The following MARCHF1 variants were observed in gnomAD, a reference collection of about 807,000 sequenced individuals.
MARCHF1 encodes the protein membrane associated ring-CH-type finger 1.
Under a neutral mutation model 54.2 loss-of-function variants are expected in MARCHF1, and 40 were observed. The ratio of observed to expected loss-of-function variants is 0.74; its 90% CI spans 0.57 to 0.96. MARCHF1 has a LOEUF of 0.96. Among genes scored for constraint, MARCHF1 ranks in the 40% least tolerant of loss-of-function variants. The pLI is 0.00. For missense variants in MARCHF1, 586 were observed against 656.5 expected, an observed-to-expected ratio of 0.89 and a Z score of 1.17; for synonymous variants, 236 against 236.3, an observed-to-expected ratio of 1.00 and a Z score of 0.01.
intron 1 of MARCHF1, among the ~76,000 whole-genome samples, chr4:164,259,007 A>G (rs1213994275): frequency 1.3e-5 from 2 of 152,202 alleles, no homozygotes; most frequent in African/African-American, 4.8e-5. Context: ...ATTTTAAAAA[A>G]CATATAAAAA....
chr4:164,335,604 A>C (rs1210722976), intron 1 of MARCHF1, among the ~76,000 whole-genome samples: 1 of 150,068 alleles, frequency 6.7e-6, no homozygotes, highest in East Asian at 2.0e-4. Context: ...AAAAAAGAGA[A>C]TTTGCTTCAG....
At chr4:163,872,017 G>A (rs1315651660) in intron 3 of MARCHF1, among the ~76,000 whole-genome samples, 1 of 152,158 alleles carries the variant, frequency 6.6e-6, no homozygotes, top group Admixed American at 6.5e-5. Flanking sequence ...AATTGAAGAA[G>A]CTTAAGAGAA....
chr4:164,305,581 G>A lies in MARCHF1; in HGVS notation c.-323+78289C>T, dbSNP rs149382857. On this transcript the variant is annotated intron_variant, in intron 1 of 9. Coordinates refer to ENST00000514618, the MANE Select transcript of MARCHF1 (RefSeq NM_001394959.1). ...TAAGTATTCTTTTCTTCAAAGATTG[G>A]TAAATTGGTGTTTTTTAAGAAAAAA... Among the ~76,000 whole-genome samples, 61 of 152,184 alleles carry A rather than the reference G, an allele frequency of 4.0e-4. 1 individual carries two copies. The East Asian group carries it at 0.011, about 27-fold the overall frequency.
At chr4:164,329,036 A>C (rs931774873) in intron 1 of MARCHF1, among the ~76,000 whole-genome samples, 1 of 152,218 alleles carries the variant, frequency 6.6e-6, no homozygotes, top group African/African-American at 2.4e-5. Context: ...CATTGTATAA[A>C]TATCCTTTAA....
In MARCHF1 at chr4:163,595,799, G is replaced by A. The variant is rs569781655; in HGVS notation, c.1011-9870C>T. On this transcript the variant is annotated intron_variant, in intron 7 of 9. Transcript: ENST00000514618. ...TTCAGTGGGAGTAATTTTTGATTAT[G>A]CAAGATGATGATTCAGTTCTAGAGA... 1.4e-4 allele frequency among the ~76,000 whole-genome samples: 21 copies of A among 152,086 alleles called. No individual in the cohort carries two copies. In the East Asian group the frequency reaches 3.3e-3, roughly 24 times the overall value.
intron 7 of MARCHF1, among the ~76,000 whole-genome samples, chr4:163,599,419 T>TAC (rs35573046): frequency 2.0e-5 from 3 of 151,496 alleles, no homozygotes; most frequent in African/African-American, 4.8e-5. Context: ...AAAACACACA[T>TAC]ACACACACAC....
At chr4:164,024,362 G>A (rs1753725815) in intron 2 of MARCHF1, among the ~76,000 whole-genome samples, 1 of 152,016 alleles carries the variant, frequency 6.6e-6, no homozygotes, top group South Asian at 2.1e-4. Context: ...TATACCAAGG[G>A]AACCCCCATC....
At chr4:163,778,649 C>G (rs1039518644) in intron 4 of MARCHF1, among the ~76,000 whole-genome samples, 2 of 151,958 alleles carry the variant, frequency 1.3e-5, no homozygotes, top group Non-Finnish European at 2.9e-5. Flanking sequence ...TATATATAGA[C>G]AATGGAATAC....
At chr4:163,822,108 T>C (rs1174297622) in intron 4 of MARCHF1, among the ~76,000 whole-genome samples, 1 of 151,980 alleles carries the variant, frequency 6.6e-6, no homozygotes, top group East Asian at 1.9e-4. Context: ...ACCTTAACTT[T>C]GAATTTCTTA....
intron 3 of MARCHF1, among the ~76,000 whole-genome samples, chr4:163,940,539 C>A (rs1281093353): frequency 6.6e-6 from 1 of 151,956 alleles, no homozygotes; most frequent in Non-Finnish European, 1.5e-5. Flanking sequence ...TGTGTTTCCT[C>A]TATGTCCACC....
intron 3 of MARCHF1, among the ~76,000 whole-genome samples, chr4:163,921,980 C>A (rs966459112): frequency 1.3e-5 from 2 of 152,038 alleles, no homozygotes; most frequent in African/African-American, 4.8e-5. Context: ...AAATGTCCAA[C>A]AATGATAGAC....
At chr4:163,853,072 T>C (rs1010976103) in intron 4 of MARCHF1, among the ~76,000 whole-genome samples, 1 of 152,166 alleles carries the variant, frequency 6.6e-6, no homozygotes, top group African/African-American at 2.4e-5. Context: ...CTCCAGACTT[T>C]AGAACTGTGA....
chr4:163,584,719 G>A (rs968245194), intron 8 of MARCHF1: 12 of 152,136 alleles, frequency 7.9e-5, no homozygotes, highest in Admixed American at 6.5e-4. Flanking sequence ...GAATTGCAAT[G>A]GTCAGCCAGC....
chr4:164,138,084 C>T (rs1756438874), intron 1 of MARCHF1, among the ~76,000 whole-genome samples: 1 of 152,132 alleles, frequency 6.6e-6, no homozygotes, highest in Non-Finnish European at 1.5e-5. Context: ...CAGTGGACCC[C>T]AGCAGCCAGT....
At chr4:163,806,969 A>C (rs1328412418) in intron 4 of MARCHF1, among the ~76,000 whole-genome samples, 1 of 152,238 alleles carries the variant, frequency 6.6e-6, no homozygotes, top group Non-Finnish European at 1.5e-5. Flanking sequence ...CTCAGGATCA[A>C]ACGAAATTTT....
chr4:163,843,898 A>G (rs1170171956), intron 4 of MARCHF1, among the ~76,000 whole-genome samples: 1 of 151,170 alleles, frequency 6.6e-6, no homozygotes, highest in Non-Finnish European at 1.5e-5. Flanking sequence ...GTATTTTTCC[A>G]TATGTTTGTT....
chr4:164,374,640 C>A (rs996681152), intron 1 of MARCHF1, among the ~76,000 whole-genome samples: 2 of 152,110 alleles, frequency 1.3e-5, no homozygotes, highest in South Asian at 2.1e-4. Flanking sequence ...AAGTATCAGA[C>A]TTTTCCTTCT....
At position 164,028,639 on chromosome 4, in the gene MARCHF1, T is replaced by C. The variant is rs576623637; in HGVS notation, c.-247-39930A>G. Among the ~76,000 whole-genome samples, 113 of 152,322 alleles carry C rather than the reference T, an allele frequency of 7.4e-4. 1 individual carries two copies. The highest frequency in any genetic ancestry group is 1.3e-3 in the Non-Finnish European group (88 of 68,028). Reference sequence around the variant, plus strand: ...CATGTTGGGTACTATGCTCACTACCTGGGTGATGTGATCCATACCCCTAAC... The same window carrying C: ...CATGTTGGGTACTATGCTCACTACCCGGGTGATGTGATCCATACCCCTAAC... On this transcript the variant is annotated intron_variant, in intron 2 of 9. Coordinates refer to ENST00000514618, the MANE Select transcript of MARCHF1 (RefSeq NM_001394959.1).
At chr4:163,577,109 T>G (rs1055446252) in intron 8 of MARCHF1, among the ~76,000 whole-genome samples, 1 of 152,140 alleles carries the variant, frequency 6.6e-6, no homozygotes, top group Admixed American at 6.6e-5. Context: ...ATGAGATGGT[T>G]AGCTGGTTGC....
Sources: allele counts gnomAD v4.1 joint callset (sites outside exome capture counted in the v4.1 genomes callset), GRCh38; gene constraint gnomAD v4.1.1; transcripts MANE v1.5; gene names NCBI Gene and HGNC (gene_info 2026-07-23, HGNC 2026-07-21).